ADAP1: variants seen among roughly 807,000 people sequenced by gnomAD.
ADAP1 encodes ArfGAP with dual PH domains 1, also known as arf-GAP with dual PH domain-containing protein 1.
A neutral mutation model predicts 54.9 loss-of-function variants in ADAP1; 31 were observed. The ratio of observed to expected loss-of-function variants is 0.56; its 90% CI spans 0.42 to 0.76. The LOEUF is 0.76. ADAP1 is among the 30% of genes least tolerant of loss of function. The pLI, the probability that ADAP1 is intolerant of heterozygous loss-of-function variation, is 0.00. For synonymous variants in ADAP1, 313 were observed against 202.6 expected, an observed-to-expected ratio of 1.55 and a Z score of -4.63; for missense variants, 535 against 512.4, an observed-to-expected ratio of 1.04 and a Z score of -0.42.
intron 6 of ADAP1, chr7:900,883 A>AGGGCCGAAGGGCC (rs1554270394): frequency 1.1e-3 from 437 of 393,444 alleles, no homozygotes; most frequent in East Asian, 5.0e-3. Flanking sequence ...GAAGGGCCGA[A>AGGGCCGAAGGGCC]GGGCCGGGCC....
intron 2 of ADAP1, among the ~76,000 whole-genome samples, chr7:929,528 A>C (rs12670997): frequency 0.41 from 60,788 of 148,928 alleles, 12,638 homozygotes; most frequent in Middle Eastern, 0.55. Flanking sequence ...AAAAAAAAAA[A>C]AAAAAAACAA....
chr7:915,214 C>T (rs1562922280), intron 4 of ADAP1, among the ~76,000 whole-genome samples: 1 of 80,142 alleles, frequency 1.2e-5, no homozygotes, highest in African/African-American at 5.5e-5. Flanking sequence ...CACAAAGGGC[C>T]AGCCCTGCAC....
intron 1 of ADAP1, among the ~76,000 whole-genome samples, chr7:939,729 G>T (rs1846890064): frequency 6.6e-6 from 1 of 151,894 alleles, no homozygotes; most frequent in Non-Finnish European, 1.5e-5. Context: ...TACTTGGGAG[G>T]CTGAGGCAAG....
chr7:921,935 G>A (rs1231587947), intron 3 of ADAP1, among the ~76,000 whole-genome samples: 2 of 152,160 alleles, frequency 1.3e-5, no homozygotes, highest in African/African-American at 4.8e-5. Flanking sequence ...TGCAGAATGG[G>A]CCCCCAAGGC....
intron 2 of ADAP1, chr7:927,197 C>T (rs1260275477): frequency 1.5e-6 from 2 of 1,290,362 alleles, no homozygotes; most frequent in South Asian, 2.5e-5. Context: ...GTTTACGAAA[C>T]AGGCTGAGGG....
At chr7:900,300 T>C (rs571722946) in intron 7 of ADAP1, 136 bp from the exon 8 acceptor site, 18 of 1,116,932 alleles carry the variant, frequency 1.6e-5, no homozygotes, top group African/African-American at 1.2e-4. Flanking sequence ...CTCCGCAGGA[T>C]CCACATTTCT....
chr7:903,794 G>A (rs1844943379), intron 6 of ADAP1, among the ~76,000 whole-genome samples: 1 of 152,180 alleles, frequency 6.6e-6, no homozygotes. Context: ...TGGGGGCGGT[G>A]GATCCTCTAG....
chr7:908,445 C>T (rs1251489932), intron 4 of ADAP1, among the ~76,000 whole-genome samples: 1 of 152,162 alleles, frequency 6.6e-6, no homozygotes, highest in East Asian at 1.9e-4. Context: ...CCTCACTGCC[C>T]GGAGCTCCCC....
At chr7:935,031 GTCTC>G in intron 2 of ADAP1, 1 of 419,944 alleles carries the variant, frequency 2.4e-6, no homozygotes, top group Non-Finnish European at 4.8e-6. Flanking sequence ...TAGAGACAGG[GTCTC>G]TTTTACCCTG....
chr7:915,402 G>A (rs974345595), intron 4 of ADAP1, among the ~76,000 whole-genome samples: 4 of 152,254 alleles, frequency 2.6e-5, no homozygotes, highest in African/African-American at 7.2e-5. Flanking sequence ...GGCAGATCAT[G>A]AGCCTGGTGC....
intron 4 of ADAP1, among the ~76,000 whole-genome samples, chr7:912,836 A>T (rs1026655797): frequency 2.0e-5 from 3 of 151,388 alleles, no homozygotes; most frequent in Admixed American, 6.6e-5. Context: ...GAGTAGCTGG[A>T]GCTATCACGC....
At chr7:928,653 A>C (rs553068198) in intron 2 of ADAP1, among the ~76,000 whole-genome samples, 3 of 152,170 alleles carry the variant, frequency 2.0e-5, no homozygotes, top group Admixed American at 2.0e-4. Context: ...TGAAAACCTC[A>C]ATGAGCTACC....
chr7:913,070 C>G (rs1156398848), intron 4 of ADAP1, among the ~76,000 whole-genome samples: 1 of 152,106 alleles, frequency 6.6e-6, no homozygotes, highest in East Asian at 1.9e-4. Flanking sequence ...GTGTTGAACT[C>G]CTGGCTCAAG....
rs1262150412 is a variant in ADAP1, at chr7:920,600, G to A, written c.306-550C>T. 1.3e-5 allele frequency among the ~76,000 whole-genome samples: 2 copies of A among 152,096 alleles called. No homozygotes were observed. Among genetic ancestry groups the A allele is most frequent in the East Asian group, 3.9e-4 (2 of 5,186 alleles). On this transcript the variant is annotated intron_variant, in intron 3 of 10. Transcript: ENST00000265846. This position sits in a 1 kb window ranked among gnomAD's most constrained non-coding sequence, Gnocchi z 4.5. Reference sequence around the variant, plus strand: ...CGGAGCTATCAGGGCACCCGTCGAGGTCAGGAGGCGTCCGGGGCATCAGGA... The same window carrying A: ...CGGAGCTATCAGGGCACCCGTCGAGATCAGGAGGCGTCCGGGGCATCAGGA...
At chr7:904,065 ACCCGGGCCTGAGGGCCCACCCTCCTGTG>A in intron 6 of ADAP1, 33 bp downstream of exon 6, 2 of 1,596,532 alleles carry the variant, frequency 1.3e-6, no homozygotes, top group South Asian at 1.1e-5. Flanking sequence ...TTCCTGCGCC[ACCCGGGCCTGAGGGCCCACCCTCCTGTG>A]CCACCCGGGC....
chr7:905,278 ACACGGACGGGGGACACGGACAG>A, intron 4 of ADAP1, 106 bp from the exon 5 acceptor site: 1 of 350,164 alleles, frequency 2.9e-6, no homozygotes, highest in Non-Finnish European at 4.7e-6. Flanking sequence ...GACACGGGGG[ACACGGACGGGGGACACGGACAG>A]GGGGAGACGG....
chr7:916,588 G>T (rs556995356), intron 4 of ADAP1, among the ~76,000 whole-genome samples: 2 of 152,186 alleles, frequency 1.3e-5, no homozygotes, highest in African/African-American at 4.8e-5. Flanking sequence ...GTGGAGCGAG[G>T]GGTGTGCTGG....
chr7:921,593 G>A (rs1352218851), intron 3 of ADAP1, among the ~76,000 whole-genome samples: 1 of 152,226 alleles, frequency 6.6e-6, no homozygotes, highest in Non-Finnish European at 1.5e-5. Context: ...GCGATTACAG[G>A]TGTGAGCCTC....
At position 900,468 on chromosome 7, in the gene ADAP1, C is replaced by A. The variant is rs1230620716; in HGVS notation, c.732+65G>T. ...TCATCCCAGACTCAGGGCACGAGGG[C>A]TCCGTCCACCCCCCACCCCACCACC... On this transcript the variant is annotated intron_variant, in intron 7 of 10. Coordinates refer to ENST00000265846, the MANE Select transcript of ADAP1 (RefSeq NM_006869.4). 4 of 1,490,222 alleles carry A rather than the reference C, an allele frequency of 2.7e-6. No homozygotes were observed. The African/African-American group carries it at 5.6e-5, about 21-fold the overall frequency. The allele number at this position is 1,490,222 out of a possible 1,614,324, so 92.3% of individuals were successfully genotyped here.
Sources: allele counts gnomAD v4.1 joint callset (sites outside exome capture counted in the v4.1 genomes callset), GRCh38; gene constraint gnomAD v4.1.1; non-coding constraint Gnocchi (gnomAD v3.1); transcripts MANE v1.5; gene names NCBI Gene and HGNC (gene_info 2026-07-23, HGNC 2026-07-21).